The following BLTP3B variants were observed in gnomAD, a reference collection of about 807,000 sequenced individuals.
The protein encoded by BLTP3B is UHRF1 (ICBP90) binding protein 1-like.
the BLTP3B span, among the ~76,000 whole-genome samples, chr12:100,139,214 G>A: frequency 1.3e-5 from 2 of 152,176 alleles, no homozygotes; most frequent in Non-Finnish European, 2.9e-5. Flanking sequence ...ATTAGGCAAG[G>A]AACAAGTATA....
the BLTP3B span, among the ~76,000 whole-genome samples, chr12:100,063,048 T>TC: frequency 6.6e-6 from 1 of 151,718 alleles, no homozygotes; most frequent in Non-Finnish European, 1.5e-5. Context: ...AATTACTTGT[T>TC]CAGGGACAAG....
the BLTP3B span, among the ~76,000 whole-genome samples, chr12:100,132,798 A>C: frequency 6.6e-6 from 1 of 151,870 alleles, no homozygotes; most frequent in South Asian, 2.1e-4. Context: ...AAATACAAAA[A>C]TTAGCCAGGC....
chr12:100,142,745 C>G, the BLTP3B span: 2 of 1,482,948 alleles, frequency 1.3e-6, no homozygotes, highest in South Asian at 2.6e-5. Flanking sequence ...AGGCGCTGAT[C>G]GCTCACGACC....
At chr12:100,121,364 A>AC in the BLTP3B span, among the ~76,000 whole-genome samples, 1 of 151,146 alleles carries the variant, frequency 6.6e-6, no homozygotes, top group Non-Finnish European at 1.5e-5. Flanking sequence ...GAAAAAAAAA[A>AC]AAAAAAAAAC....
the BLTP3B span, among the ~76,000 whole-genome samples, chr12:100,099,064 C>T: frequency 1.3e-5 from 2 of 151,724 alleles, no homozygotes; most frequent in South Asian, 4.2e-4. Context: ...ATGATCTCAG[C>T]TCACTGCAAC....
At chr12:100,113,716 G>A in the BLTP3B span, among the ~76,000 whole-genome samples, 2 of 151,978 alleles carry the variant, frequency 1.3e-5, no homozygotes, top group African/African-American at 2.4e-5. Flanking sequence ...CCAGCACTTT[G>A]GGAGGCCAAG....
chr12:100,106,883 T>C, the BLTP3B span, among the ~76,000 whole-genome samples: 1 of 152,142 alleles, frequency 6.6e-6, no homozygotes, highest in Non-Finnish European at 1.5e-5. Context: ...GGAGCCCAAA[T>C]TTTAGTTTTA....
chr12:100,084,428 AGTG>A, the BLTP3B span: 2 of 1,439,422 alleles, frequency 1.4e-6, no homozygotes, highest in South Asian at 1.3e-5. Context: ...ACACACACAG[AGTG>A]CAAACACTCT....
chr12:100,073,468 G>A, the BLTP3B span, among the ~76,000 whole-genome samples: 2 of 150,746 alleles, frequency 1.3e-5, no homozygotes, highest in Non-Finnish European at 2.9e-5. Flanking sequence ...CCAAAGTGCT[G>A]GGATTACAGG....
At chr12:100,115,642 C>T in the BLTP3B span, among the ~76,000 whole-genome samples, 3 of 151,854 alleles carry the variant, frequency 2.0e-5, no homozygotes, top group African/African-American at 4.8e-5. Context: ...CGGTGGCACA[C>T]GCCTGTAGCT....
chr12:100,136,019 T>C, the BLTP3B span, among the ~76,000 whole-genome samples: 1 of 152,132 alleles, frequency 6.6e-6, no homozygotes. Flanking sequence ...GAGAACAGCC[T>C]GGCCAACATG....
chr12:100,058,779 G>C, the BLTP3B span: 1 of 1,613,952 alleles, frequency 6.2e-7, no homozygotes, highest in Middle Eastern at 1.6e-4. Flanking sequence ...CAGGATAAGT[G>C]ACTCATGCAG....
the BLTP3B span, among the ~76,000 whole-genome samples, chr12:100,112,216 T>C: frequency 6.6e-6 from 1 of 152,354 alleles, no homozygotes; most frequent in East Asian, 1.9e-4. Flanking sequence ...CAGTGGCTCA[T>C]GCTTGAAATC....
the BLTP3B span, among the ~76,000 whole-genome samples, chr12:100,062,348 A>G: frequency 6.6e-6 from 1 of 152,242 alleles, no homozygotes; most frequent in African/African-American, 2.4e-5. Flanking sequence ...TCACAATGGT[A>G]AAACGAAAGT....
chr12:100,135,850 T>A, the BLTP3B span, among the ~76,000 whole-genome samples: 3 of 152,150 alleles, frequency 2.0e-5, no homozygotes, highest in Admixed American at 6.5e-5. Flanking sequence ...CAGGCACTCA[T>A]TAAATTATTT....
chr12:100,115,632 C>T, the BLTP3B span, among the ~76,000 whole-genome samples: 2 of 151,808 alleles, frequency 1.3e-5, no homozygotes, highest in South Asian at 2.1e-4. Context: ...TAGCTAGGCA[C>T]GGTGGCACAC....
chr12:100,039,546 A>G, the BLTP3B span: 5 of 1,495,612 alleles, frequency 3.3e-6, no homozygotes, highest in African/African-American at 4.2e-5. Flanking sequence ...GTATCTTAAT[A>G]CCTAGTTATT....
the BLTP3B span, among the ~76,000 whole-genome samples, chr12:100,066,106 A>G: frequency 6.6e-6 from 1 of 152,148 alleles, no homozygotes; most frequent in Non-Finnish European, 1.5e-5. Context: ...CCCAATATTC[A>G]CCAACCATCT....
At chr12:100,104,005 A>G in the BLTP3B span, 43 of 1,396,202 alleles carry the variant, frequency 3.1e-5, no homozygotes, top group African/African-American at 5.8e-4. Flanking sequence ...AAAATAATGT[A>G]AACAGTAATC....
Sources: allele counts gnomAD v4.1 joint callset (sites outside exome capture counted in the v4.1 genomes callset), GRCh38; gene constraint gnomAD v4.1.1; transcripts MANE v1.5; gene names NCBI Gene and HGNC (gene_info 2026-07-23, HGNC 2026-07-21).